Variants in PTPRC observed in about 807,000 individuals in gnomAD.
The protein encoded by PTPRC is protein tyrosine phosphatase receptor type C, also known as receptor-type tyrosine-protein phosphatase C.
In PTPRC, 44 loss-of-function variants were observed where a neutral mutation model predicts 155.9. That is an observed-to-expected ratio of 0.28 (90% confidence interval 0.22 to 0.36). The LOEUF (loss-of-function observed/expected upper bound fraction) is 0.36, where lower values mean the gene tolerates loss of function less well. Among genes scored for constraint, PTPRC ranks in the 10% least tolerant of loss-of-function variants. The pLI is 1.00. For synonymous variants in PTPRC, 525 were observed against 533.1 expected, an observed-to-expected ratio of 0.98 and a Z score of 0.21; for missense variants, 1,401 against 1,564.6, an observed-to-expected ratio of 0.90 and a Z score of 1.76.
At chr1:198,683,914 A>G (rs1665475233) in intron 2 of PTPRC, among the ~76,000 whole-genome samples, 2 of 151,920 alleles carry the variant, frequency 1.3e-5, no homozygotes, top group African/African-American at 2.4e-5. Context: ...GTTTGTGGCA[A>G]ATACTTTTAG....
At chr1:198,651,488 A>AT (rs1273291253) in intron 2 of PTPRC, among the ~76,000 whole-genome samples, 1 of 151,746 alleles carries the variant, frequency 6.6e-6, no homozygotes, top group East Asian at 1.9e-4. Flanking sequence ...CAGTGTGTGT[A>AT]TATCTCTGTG....
In PTPRC at chr1:198,718,287, A is replaced by G; in HGVS notation, c.1644A>G (p.Thr548=). The G allele has an allele frequency of 1.2e-6, 2 of 1,612,734 alleles. No individual in the cohort carries two copies. Among genetic ancestry groups the G allele is most frequent in the Non-Finnish European group, 1.7e-6 (2 of 1,178,862 alleles). ...GTGTAAAAGATCTTCAATATTCAAC[A>G]GACTACACTTTTAAGGTAAAAGTAT... ...DFRVKDLQYS[T]DYTFKAYFHN... Residue 548 remains threonine, a synonymous_variant, in exon 14 of 33, where the codon ACA becomes ACG. Transcript: ENST00000442510.
chr1:198,754,519 C>A, intron 32 of PTPRC, 115 bp downstream of exon 32: 1 of 1,231,232 alleles, frequency 8.1e-7, no homozygotes, highest in East Asian at 2.4e-5. Flanking sequence ...TTTCCCCTTT[C>A]CTTTTCTCTT....
intron 2 of PTPRC, among the ~76,000 whole-genome samples, chr1:198,654,658 T>TA (rs1663448129): frequency 6.6e-6 from 1 of 151,854 alleles, no homozygotes; most frequent in Non-Finnish European, 1.5e-5. Flanking sequence ...TGCTCCATTT[T>TA]AAACCTGCTG....
At chr1:198,640,595 C>T (rs1662521683) in intron 2 of PTPRC, among the ~76,000 whole-genome samples, 1 of 151,850 alleles carries the variant, frequency 6.6e-6, no homozygotes, top group Non-Finnish European at 1.5e-5. Flanking sequence ...GTTACCATCC[C>T]TTTAAAGCTT....
chr1:198,676,213 A>T (rs1664941855), intron 2 of PTPRC, among the ~76,000 whole-genome samples: 1 of 152,186 alleles, frequency 6.6e-6, no homozygotes, highest in Non-Finnish European at 1.5e-5. Flanking sequence ...ATCTTTAGGA[A>T]CCATGCTTCT....
At chr1:198,692,293 T>C in intron 2 of PTPRC, 54 bp from the exon 3 acceptor site, 3 of 1,343,086 alleles carry the variant, frequency 2.2e-6, no homozygotes, top group Non-Finnish European at 3.1e-6. Flanking sequence ...TATGTTTACA[T>C]TAATATGAAT....
At position 198,702,342 on chromosome 1, in the gene PTPRC, C is replaced by A. The variant is rs142788059; in HGVS notation, c.440-45C>A. 835 of 1,613,550 alleles carry A rather than the reference C, an allele frequency of 5.2e-4. 16 individuals carry two copies. The highest frequency in any genetic ancestry group is 5.6e-4 in the Non-Finnish European group (662 of 1,179,446). ...GTTGGCTATCTGGCTATTGCCCTTG[C>A]GTGACAGACACAAGTGACAGTGCTG... On this transcript the variant is annotated intron_variant, in intron 5 of 32. Transcript: ENST00000442510.
rs1214923169 is a variant in PTPRC, at chr1:198,750,584, C to A, written c.3165C>A (p.Val1055=). The part of the protein sequence containing the change: ...DFWQMIFQRK[V]KVIVMLTELK... ...GGCAGATGATCTTCCAAAGAAAAGT[C>A]AAAGTTATTGTTATGCTGACAGAAC... The change falls in exon 29 of 33, where the codon GTC becomes GTA. Residue 1055 remains valine, a synonymous_variant. Coordinates refer to ENST00000442510, the MANE Select transcript of PTPRC (RefSeq NM_002838.5). 1 of 1,612,682 alleles carries A rather than the reference C, an allele frequency of 6.2e-7. No homozygotes were observed. Among genetic ancestry groups the A allele is most frequent in the Non-Finnish European group, 8.5e-7 (1 of 1,179,116 alleles).
At chr1:198,670,362 A>C (rs1664574348) in intron 2 of PTPRC, among the ~76,000 whole-genome samples, 2 of 152,300 alleles carry the variant, frequency 1.3e-5, no homozygotes, top group South Asian at 4.1e-4. Context: ...AAATGTGATT[A>C]GTTCTGATTT....
chr1:198,750,609 C>T lies in PTPRC; in HGVS notation c.3190C>T (p.Leu1064=), dbSNP rs1558039602. Residue 1064 remains leucine (L), a synonymous_variant, in exon 29 of 33, where the codon CTG becomes TTG. Coordinates refer to ENST00000442510, the MANE Select transcript of PTPRC (RefSeq NM_002838.5). ...KVKVIVMLTE[L]KHGDQEICAQ... ...CAAAGTTATTGTTATGCTGACAGAA[C>T]TGAAACATGGAGACCAGGTTTGTAC... 4 of 1,612,700 alleles carry T rather than the reference C, an allele frequency of 2.5e-6. No homozygotes were observed. The highest frequency in any genetic ancestry group is 2.2e-5 in the South Asian group (2 of 91,068).
intron 5 of PTPRC, among the ~76,000 whole-genome samples, chr1:198,701,401 A>T (rs1161622962): frequency 6.6e-6 from 1 of 152,228 alleles, no homozygotes; most frequent in Non-Finnish European, 1.5e-5. Flanking sequence ...CTAATCTCAC[A>T]TCATTGAACT....
chr1:198,715,476 A>C (rs1174091698), intron 12 of PTPRC, among the ~76,000 whole-genome samples: 1 of 152,080 alleles, frequency 6.6e-6, no homozygotes, highest in South Asian at 2.1e-4. Flanking sequence ...TAATGATGGC[A>C]AGTGACAGTG....
chr1:198,756,389 T>G lies in PTPRC; in HGVS notation c.*208T>G, dbSNP rs1271506817. ...ACAGACGTATGCTTATTTTAAAATT[T>G]TATCTCTTATTCAGTAAAAAACAAC... is the stretch of plus-strand genomic sequence containing the variant. On this transcript the variant is annotated 3_prime_UTR_variant, in exon 33 of 33. Coordinates refer to ENST00000442510, the MANE Select transcript of PTPRC (RefSeq NM_002838.5). 1.4e-5 allele frequency: 9 copies of G among 649,524 alleles called. No homozygotes were observed. The highest frequency in any genetic ancestry group is 2.0e-5 in the Non-Finnish European group (8 of 391,770). 40.2% of individuals were successfully genotyped at this position (649,524 alleles called of 1,614,324 possible).
At position 198,756,873 on chromosome 1, in the gene PTPRC, G is replaced by T. The variant is rs78431102; in HGVS notation, c.*692G>T. The T allele has an allele frequency of 2.0e-5, 3 of 151,910 alleles. No individual in the cohort carries two copies. The East Asian group carries it at 5.8e-4, about 29-fold the overall frequency. The allele number at this position is 151,910 out of a possible 1,614,324, so 9.4% of individuals were successfully genotyped here. A position where few individuals can be genotyped will look rare whatever the true frequency, so the allele number is the denominator to read the frequency against. On this transcript the variant is annotated 3_prime_UTR_variant, in exon 33 of 33. Transcript: ENST00000442510. ...AAATTTCCAGTGAGCTTATCATGCT[G>T]TCTTTACATGGGGTTTTCAATTTTG...
intron 3 of PTPRC, among the ~76,000 whole-genome samples, chr1:198,696,185 T>G (rs1362693411): frequency 1.3e-5 from 2 of 148,320 alleles, no homozygotes; most frequent in Admixed American, 6.7e-5. Flanking sequence ...TATATATATA[T>G]AGATAGATAT....
At position 198,742,041 on chromosome 1, in the gene PTPRC, C is replaced by CAA. The variant is rs370217220; in HGVS notation, c.2561+26_2561+27dup. ...GTGCACTGCAGGTAGGAAAAACGAA[C>CAA]AAAAAAAAAAAACAACAACAAAAAA... On this transcript the variant is annotated intron_variant, in intron 24 of 32. Transcript: ENST00000442510. 125 of 1,331,658 alleles carry CAA rather than the reference C, an allele frequency of 9.4e-5. No homozygotes were observed. The highest frequency in any genetic ancestry group is 4.4e-4 in the Middle Eastern group (2 of 4,580). 82.5% of individuals were successfully genotyped at this position (1,331,658 alleles called of 1,614,324 possible).
Position 198,742,360 on chromosome 1 carries a change from A to G in PTPRC, c.2690A>G (p.Gln897Arg). 1 of 1,612,022 alleles carries G rather than the reference A, an allele frequency of 6.2e-7. No individual in the cohort carries two copies. Among genetic ancestry groups the G allele is most frequent in the Non-Finnish European group, 8.5e-7 (1 of 1,178,616 alleles). ...AGGCGACAGAGATGCCTGATGGTTC[A>G]AGTAGAGGTATGTTCTAACCTTTAG... ...KLRRQRCLMV[Q>R]VEAQYILIHQ... The change falls in exon 25 of 33, where the codon CAA (glutamine) becomes CGA (arginine). Residue 897 changes from glutamine (Q) to arginine (R), a missense_variant. Physicochemically the swap from Gln to Arg is conservative, Grantham distance 43 (BLOSUM62 1). Around this residue, in one of 3 missense-constraint regions of PTPRC, gnomAD observed 134 missense variants for 204.7 expected, o/e 0.65. Coordinates refer to ENST00000442510, the MANE Select transcript of PTPRC (RefSeq NM_002838.5).
rs960156849 is a variant in PTPRC at position 198,695,509 on chromosome 1, A to G, written c.101-1203A>G. ...TTTTTTTTTTTAACACATTTGGTATATTTTTCTATTCTTTTATTAAGAAAA... is the reference window on the plus strand; with the variant it reads ...TTTTTTTTTTTAACACATTTGGTATGTTTTTCTATTCTTTTATTAAGAAAA... On this transcript the variant is annotated intron_variant, in intron 3 of 32. Transcript: ENST00000442510. 3.5e-5 allele frequency among the ~76,000 whole-genome samples: 5 copies of G among 141,704 alleles called. No individual in the cohort carries two copies. In the Admixed American group the frequency reaches 3.6e-4, roughly 10 times the overall value. 93.0% of individuals were successfully genotyped at this position (141,704 alleles called of 152,430 possible).
Sources: allele counts gnomAD v4.1 joint callset (sites outside exome capture counted in the v4.1 genomes callset), GRCh38; gene constraint gnomAD v4.1.1; regional missense constraint gnomAD v4.1.1; transcripts MANE v1.5; gene names NCBI Gene and HGNC (gene_info 2026-07-23, HGNC 2026-07-21).